Variants in MCTS1 observed in about 807,000 individuals in gnomAD.
MCTS1 encodes the protein MCTS1 re-initiation and release factor.
For missense variants in MCTS1, 55 were observed against 128.6 expected (o/e 0.43, Z 2.77); for synonymous variants, 26 against 40.8 (o/e 0.64, Z 1.38).
chrX:120,610,439 C>A (rs1218889044), intron 4 of MCTS1, among the ~76,000 whole-genome samples: 2 of 111,322 alleles, frequency 1.8e-5, no homozygotes, highest in East Asian at 5.7e-4. Flanking sequence ...ATGGTGAAAT[C>A]CCATCTCTAC....
At chrX:120,604,370 G>A in intron 1 of MCTS1, 123 bp downstream of exon 1, 4 of 911,123 alleles carry the variant, frequency 4.4e-6, no homozygotes, top group Non-Finnish European at 4.6e-6. Flanking sequence ...ACTCCCTAAG[G>A]TTTTCTATAG....
rs1926673240 is a variant in MCTS1 at position 120,611,011 on chromosome X, G to A, written c.397G>A (p.Ala133Thr). 1.7e-6 allele frequency: 2 copies of A among 1,210,360 alleles called. No individual in the cohort carries two copies. The highest frequency in any genetic ancestry group is 2.2e-6 in the Non-Finnish European group (2 of 894,250). Residue 133 changes from alanine (A) to threonine (T), a missense_variant and splice_region_variant, in exon 5 of 6, where the codon GCT becomes ACT. Physicochemically the swap from Ala to Thr is moderately conservative, Grantham distance 58. Transcript: ENST00000371317. ...LYPAAVDTIV[A>T]IMAEGKQHAL... ...AGTTTTCTTAGCTGTGTTCTTTCAG[G>A]CTATCATGGCAGAAGGAAAACAGCA...
Position 120,604,228 on chromosome X carries a change from C to T in MCTS1, c.-9C>T. The T allele has an allele frequency of 1.7e-6, 2 of 1,209,014 alleles. No homozygotes were observed. Among genetic ancestry groups the T allele is most frequent in the Non-Finnish European group, 2.2e-6 (2 of 894,206 alleles). ...CCCTTCCCTATCGTCGCCCCCTTCA[C>T]CTTGGATCATGTTCAAGAAGTAAGG... On this transcript the variant is annotated 5_prime_UTR_variant, in exon 1 of 6. Coordinates refer to ENST00000371317, the MANE Select transcript of MCTS1 (RefSeq NM_014060.3).
rs775425393 is a variant in MCTS1, at chrX:120,612,267, C to T, written c.*3C>T. On this transcript the variant is annotated 3_prime_UTR_variant, in exon 6 of 6. Transcript: ENST00000371317. Reference sequence around the variant, plus strand: ...GGCATATGAAGACATATAAATGAGCCTCAGAAGGAATGCACTTGGGCTAAA... The same window carrying T: ...GGCATATGAAGACATATAAATGAGCTTCAGAAGGAATGCACTTGGGCTAAA... 1.0e-5 allele frequency: 12 copies of T among 1,178,703 alleles called. No homozygotes were observed. The highest frequency in any genetic ancestry group is 1.1e-5 in the Non-Finnish European group (10 of 871,209).
Position 120,605,549 on chromosome X carries a change from A to C in MCTS1, c.154A>C (p.Ile52Leu). 8.3e-7 allele frequency: 1 copy of C among 1,200,755 alleles called. No homozygotes were observed. Among genetic ancestry groups the C allele is most frequent in the East Asian group, 3.0e-5 (1 of 33,196 alleles). ...QIMPKKDPVK[I>L]VRCHEHIEIL... is the part of the protein sequence containing the mutation. ...CATGCCTAAGAAAGATCCTGTCAAA[A>C]TAGTCCGATGGTAAGTCTTTGTTTT... Residue 52 changes from isoleucine to leucine, a missense_variant, in exon 2 of 6, where the codon ATA becomes CTA. Physicochemically the swap from Ile to Leu is conservative, Grantham distance 5. Coordinates refer to ENST00000371317, the MANE Select transcript of MCTS1 (RefSeq NM_014060.3).
At chrX:120,612,086 A>G (rs917572069) in intron 5 of MCTS1, 97 bp from the exon 6 acceptor site, 13 of 646,046 alleles carry the variant, frequency 2.0e-5, no homozygotes, top group Non-Finnish European at 3.2e-5. Context: ...GTGGCTTAAT[A>G]ATTAAAAAAT....
rs1430121058 is a variant in MCTS1 at position 120,620,018 on chromosome X, A to G, written c.*7754A>G. Among the ~76,000 whole-genome samples, 1 of 112,114 alleles carries G rather than the reference A, an allele frequency of 8.9e-6. No homozygotes were observed. The highest frequency in any genetic ancestry group is 1.9e-5 in the Non-Finnish European group (1 of 53,239). On this transcript the variant is annotated 3_prime_UTR_variant, in exon 6 of 6. Transcript: ENST00000371317. ...AGCAGGACTAGCAGTTGCTTTGAAG[A>G]TATCTGGGGAAGGCCGGGCACGGTG...
In MCTS1 at chrX:120,617,394, G is replaced by A. The variant is rs915616253; in HGVS notation, c.*5130G>A. Among the ~76,000 whole-genome samples the A allele has an allele frequency of 9.0e-6, 1 of 111,333 alleles. No homozygotes were observed. Among genetic ancestry groups the A allele is most frequent in the East Asian group, 2.8e-4 (1 of 3,551 alleles). ...TTTAGTAGAGACAGGGTTTCACCATGTTGGCCAGGCTGGTCTCAAACTCCT... is the reference window on the plus strand; with the variant it reads ...TTTAGTAGAGACAGGGTTTCACCATATTGGCCAGGCTGGTCTCAAACTCCT... On this transcript the variant is annotated 3_prime_UTR_variant, in exon 6 of 6. Transcript: ENST00000371317.
rs1181866133 is a variant in MCTS1 at position 120,608,376 on chromosome X, A to T, written c.396+18A>T. 8.6e-7 allele frequency: 1 copy of T among 1,159,576 alleles called. No homozygotes were observed. The highest frequency in any genetic ancestry group is 2.4e-5 in the Admixed American group (1 of 41,422). ...CCATTGTTGTATCCTTCCCAGGCTA[A>T]AACTGCTGAAAAATGTATTCATTGT... On this transcript the variant is annotated intron_variant, in intron 4 of 5. Coordinates refer to ENST00000371317, the MANE Select transcript of MCTS1 (RefSeq NM_014060.3).
intron 5 of MCTS1, 153 bp downstream of exon 5, chrX:120,611,231 GA>G: frequency 4.3e-6 from 2 of 461,724 alleles, no homozygotes; most frequent in Non-Finnish European, 3.6e-6. Context: ...TAACACTTAG[GA>G]AGCCAATGAA....
rs1448475303 is a variant in MCTS1, at chrX:120,612,990, G to A, written c.*726G>A. Among the ~76,000 whole-genome samples, 3 of 104,387 alleles carry A rather than the reference G, an allele frequency of 2.9e-5. No homozygotes were observed. Among genetic ancestry groups the A allele is most frequent in the Non-Finnish European group, 3.9e-5 (2 of 51,215 alleles). 90.6% of individuals were successfully genotyped at this position (104,387 alleles called of 115,157 possible). ...TGCCCAGGCTGGAGTGCAGTGGTAC[G>A]ATCTTGGCTCACTGTAACCTCCACC... On this transcript the variant is annotated 3_prime_UTR_variant, in exon 6 of 6. Coordinates refer to ENST00000371317, the MANE Select transcript of MCTS1 (RefSeq NM_014060.3).
chrX:120,606,020 T>C, intron 2 of MCTS1, 59 bp from the exon 3 acceptor site: 1 of 734,400 alleles, frequency 1.4e-6, no homozygotes, highest in Non-Finnish European at 2.0e-6. Context: ...GCGTGTTTTA[T>C]ATTGTGAATT....
Position 120,614,849 on chromosome X carries a change from T to A in MCTS1, c.*2585T>A, listed in dbSNP as rs1926802717. On this transcript the variant is annotated 3_prime_UTR_variant, in exon 6 of 6. Transcript: ENST00000371317. ...AAACAAAGCACACATATACATACAT[T>A]AGAGAAGTAAAAACTTTTAATAGCT... Among the ~76,000 whole-genome samples the A allele has an allele frequency of 8.9e-6, 1 of 112,551 alleles. No individual in the cohort carries two copies. Among genetic ancestry groups the A allele is most frequent in the South Asian group, 3.6e-4 (1 of 2,759 alleles).
rs1281370043 is a variant in MCTS1, at chrX:120,620,745, T to C, written c.*8481T>C. On this transcript the variant is annotated 3_prime_UTR_variant, in exon 6 of 6. Coordinates refer to ENST00000371317, the MANE Select transcript of MCTS1 (RefSeq NM_014060.3). Reference sequence around the variant, plus strand: ...CTACATTTTGCTCCGGATCCAATGATTTAATTTTTGGGAAGAAAAATCCAG... The same window carrying C: ...CTACATTTTGCTCCGGATCCAATGACTTAATTTTTGGGAAGAAAAATCCAG... 4.5e-5 allele frequency: 5 copies of C among 112,355 alleles called. No homozygotes were observed. Among genetic ancestry groups the C allele is most frequent in the African/African-American group, 1.3e-4 (4 of 30,925 alleles). The allele number at this position is 112,355 out of a possible 1,213,427, so 9.3% of individuals were successfully genotyped here.
rs376852673 is a variant in MCTS1 at position 120,613,051 on chromosome X, T to C, written c.*787T>C. On this transcript the variant is annotated 3_prime_UTR_variant, in exon 6 of 6. Transcript: ENST00000371317. Reference sequence around the variant, plus strand: ...AAGCGATTCTTGTGCCTCAGCCTCCTGAGTAGCTGGGATTACAGGCACGTG... The same window carrying C: ...AAGCGATTCTTGTGCCTCAGCCTCCCGAGTAGCTGGGATTACAGGCACGTG... 1.8e-5 allele frequency among the ~76,000 whole-genome samples: 2 copies of C among 108,781 alleles called. No homozygotes were observed. The highest frequency in any genetic ancestry group is 5.7e-4 in the East Asian group (2 of 3,484). The allele number at this position is 108,781 out of a possible 115,157, so 94.5% of individuals were successfully genotyped here.
intron 3 of MCTS1, among the ~76,000 whole-genome samples, chrX:120,606,784 C>CAAAA (rs763945946): frequency 4.4e-4 from 17 of 38,361 alleles, no homozygotes; most frequent in East Asian, 1.6e-3. Context: ...GACTTAGTCT[C>CAAAA]AAAAAAAAAA....
rs1926704319 is a variant in MCTS1 at position 120,612,219 on chromosome X, C to T, written c.501C>T (p.Ile167=). Residue 167 remains isoleucine, a synonymous_variant, in exon 6 of 6, where the codon ATC becomes ATT. Coordinates refer to ENST00000371317, the MANE Select transcript of MCTS1 (RefSeq NM_014060.3). The stretch of plus-strand genomic sequence containing the variant: ...ACAAAGGAATTGGCATTGAAAATAT[C>T]CATTATTTAAATGATGGGCTGTGGC... ...KVNKGIGIEN[I]HYLNDGLWHM... 8.3e-7 allele frequency: 1 copy of T among 1,204,960 alleles called. No homozygotes were observed. The highest frequency in any genetic ancestry group is 2.2e-5 in the Admixed American group (1 of 45,068).
rs1022292578 is a variant in MCTS1 at position 120,620,352 on chromosome X, C to T, written c.*8088C>T. 1.6e-4 allele frequency among the ~76,000 whole-genome samples: 16 copies of T among 100,952 alleles called. No individual in the cohort carries two copies. The highest frequency in any genetic ancestry group is 4.4e-4 in the African/African-American group (12 of 26,981). The allele number at this position is 100,952 out of a possible 115,157, so 87.7% of individuals were successfully genotyped here. ...AACAAAAATTAGCTGGGCATGGTGG[C>T]GCGTGCCTGTAATCCCAGCACTTTG... On this transcript the variant is annotated 3_prime_UTR_variant, in exon 6 of 6. Transcript: ENST00000371317.
chrX:120,620,125 C>T lies in MCTS1; in HGVS notation c.*7861C>T, dbSNP rs1255013825. Among the ~76,000 whole-genome samples the T allele has an allele frequency of 9.1e-6, 1 of 109,298 alleles. No individual in the cohort carries two copies. Among genetic ancestry groups the T allele is most frequent in the African/African-American group, 3.3e-5 (1 of 29,886 alleles). 94.9% of individuals were successfully genotyped at this position (109,298 alleles called of 115,157 possible). The stretch of plus-strand genomic sequence containing the variant: ...AGGAGATCGAGACCATCCTGGCTAA[C>T]GTGAAACCCCGTCTATACTAAAAAT... On this transcript the variant is annotated 3_prime_UTR_variant, in exon 6 of 6. Transcript: ENST00000371317.
Sources: allele counts gnomAD v4.1 joint callset (sites outside exome capture counted in the v4.1 genomes callset), GRCh38; gene constraint gnomAD v4.1.1; transcripts MANE v1.5; gene names NCBI Gene and HGNC (gene_info 2026-07-23, HGNC 2026-07-21).